The following APCDD1L variants were observed in gnomAD, a reference collection of about 807,000 sequenced individuals.
APCDD1L encodes protein APCDD1-like.
In APCDD1L, 21 loss-of-function variants were observed where a neutral mutation model predicts 24.2. The observed-to-expected ratio is 0.87, with a 90% confidence interval of 0.61 to 1.25. The LOEUF (loss-of-function observed/expected upper bound fraction) is 1.25. APCDD1L is among the 50% of genes most tolerant of loss of function. The pLI is 0.00. For missense variants in APCDD1L, 704 were observed against 711.7 expected, an observed-to-expected ratio of 0.99 and a Z score of 0.12; for synonymous variants, 321 against 323.6, an observed-to-expected ratio of 0.99 and a Z score of 0.09.
intron 1 of APCDD1L, among the ~76,000 whole-genome samples, chr20:58,492,920 A>T (rs1051470137): frequency 3.9e-5 from 6 of 152,050 alleles, no homozygotes; most frequent in African/African-American, 1.4e-4. Flanking sequence ...GCATGCACAC[A>T]TGCATACACA....
Position 58,514,830 on chromosome 20 carries a change from G to T in APCDD1L, c.-123C>A. 1.4e-6 allele frequency: 1 copy of T among 718,854 alleles called. No homozygotes were observed. Among genetic ancestry groups the T allele is most frequent in the Non-Finnish European group, 2.0e-6 (1 of 511,602 alleles). The allele number at this position is 718,854 out of a possible 1,614,324, so 44.5% of individuals were successfully genotyped here. A position where few individuals can be genotyped will look rare whatever the true frequency, so the allele number is the denominator to read the frequency against. On this transcript the variant is annotated 5_prime_UTR_variant, in exon 1 of 4. Transcript: ENST00000371149. ...CAGGCTGGAGTCCTGCGAAGAAGTT[G>T]CGAGGGTCCTGCGCCCCCCTCGGCG...
At chr20:58,482,233 T>C (rs1001778647) in intron 1 of APCDD1L, among the ~76,000 whole-genome samples, 3 of 152,244 alleles carry the variant, frequency 2.0e-5, no homozygotes, top group Admixed American at 1.3e-4. Flanking sequence ...ACCTACATCA[T>C]GTTTCGGAAA....
chr20:58,512,956 T>C (rs958674413), intron 1 of APCDD1L, among the ~76,000 whole-genome samples: 2 of 152,132 alleles, frequency 1.3e-5, no homozygotes, highest in African/African-American at 4.8e-5. Context: ...TCTGATTTGC[T>C]GTGGTGAAAG....
At chr20:58,499,288 C>T (rs570470038) in intron 1 of APCDD1L, among the ~76,000 whole-genome samples, 2 of 152,280 alleles carry the variant, frequency 1.3e-5, no homozygotes, top group Non-Finnish European at 2.9e-5. Context: ...GTGGGGAAAC[C>T]TTCTACCACC....
At chr20:58,479,942 C>G (rs964662603) in intron 1 of APCDD1L, among the ~76,000 whole-genome samples, 1 of 152,198 alleles carries the variant, frequency 6.6e-6, no homozygotes, top group Admixed American at 6.5e-5. Context: ...TGCACCAGAA[C>G]ACCCCCAGAA....
intron 2 of APCDD1L, 41 bp downstream of exon 2, chr20:58,470,568 C>T: frequency 6.5e-7 from 1 of 1,539,246 alleles, no homozygotes. Flanking sequence ...CAGAAGTCTC[C>T]CAGTCCAGGG....
chr20:58,495,892 C>T (rs1990312466), intron 1 of APCDD1L, among the ~76,000 whole-genome samples: 1 of 152,100 alleles, frequency 6.6e-6, no homozygotes, highest in African/African-American at 2.4e-5. Context: ...CCAGCCTCCC[C>T]ACCCTCCAGC....
chr20:58,487,504 A>G (rs920562151), intron 1 of APCDD1L, among the ~76,000 whole-genome samples: 4 of 152,172 alleles, frequency 2.6e-5, no homozygotes, highest in Non-Finnish European at 5.9e-5. Context: ...AAAAATGTAA[A>G]TGGATTTAAT....
Position 58,494,784 on chromosome 20 carries a change from C to T in APCDD1L, c.49+19875G>A, listed in dbSNP as rs966449315. Among the ~76,000 whole-genome samples, 21 of 152,206 alleles carry T rather than the reference C, an allele frequency of 1.4e-4. 1 individual carries two copies. The highest frequency in any genetic ancestry group is 1.2e-3 in the South Asian group (6 of 4,822). On this transcript the variant is annotated intron_variant, in intron 1 of 3. Coordinates refer to ENST00000371149, the MANE Select transcript of APCDD1L (RefSeq NM_153360.3). This position sits in a 1 kb window ranked among gnomAD's most constrained non-coding sequence, Gnocchi z 4.8. ...TACTTTGCCTGTGATTCCTGTCTCA[C>T]GATCATCTCCTGGCATTCTGCACCC...
intron 1 of APCDD1L, among the ~76,000 whole-genome samples, chr20:58,491,761 G>T (rs934365977): frequency 1.3e-5 from 2 of 152,198 alleles, no homozygotes; most frequent in African/African-American, 2.4e-5. Context: ...AAGAGCAAAG[G>T]TGTCAGGAAT....
chr20:58,470,401 G>T (rs1989787469), intron 2 of APCDD1L, among the ~76,000 whole-genome samples: 1 of 152,218 alleles, frequency 6.6e-6, no homozygotes, highest in South Asian at 2.1e-4. Flanking sequence ...GTGTTGAATG[G>T]ATTTTGACCA....
chr20:58,497,525 C>A lies in APCDD1L; in HGVS notation c.49+17134G>T, dbSNP rs1009962061. Among the ~76,000 whole-genome samples the A allele has an allele frequency of 3.3e-5, 5 of 152,122 alleles. No homozygotes were observed. Among genetic ancestry groups the A allele is most frequent in the African/African-American group, 9.7e-5 (4 of 41,420 alleles). On this transcript the variant is annotated intron_variant, in intron 1 of 3. Coordinates refer to ENST00000371149, the MANE Select transcript of APCDD1L (RefSeq NM_153360.3). This position sits in a 1 kb window ranked among gnomAD's most constrained non-coding sequence, Gnocchi z 4.3. ...GAGGCTGGGCCGGGATTGTTCCAGG[C>A]CTTTCTTGTGGCTTGTAGATGGCCA...
intron 1 of APCDD1L, among the ~76,000 whole-genome samples, chr20:58,491,581 G>T (rs1379885947): frequency 6.6e-6 from 1 of 152,096 alleles, no homozygotes; most frequent in Non-Finnish European, 1.5e-5. Flanking sequence ...TTTCTTGAAA[G>T]ACATTAAAGA....
In APCDD1L at chr20:58,494,639, G is replaced by C. The variant is rs908024159; in HGVS notation, c.49+20020C>G. Among the ~76,000 whole-genome samples, 1 of 152,124 alleles carries C rather than the reference G, an allele frequency of 6.6e-6. No homozygotes were observed. Among genetic ancestry groups the C allele is most frequent in the Non-Finnish European group, 1.5e-5 (1 of 68,028 alleles). On this transcript the variant is annotated intron_variant, in intron 1 of 3. Transcript: ENST00000371149. The surrounding 1 kb of genome is among the most constrained non-coding windows in gnomAD (Gnocchi z 4.8). ...TAGGTGTGAGCCACTGTGCCTGGCT[G>C]TCAACTGTGTTTCAAAGTATACATA...
At chr20:58,501,607 T>C (rs1600875897) in intron 1 of APCDD1L, among the ~76,000 whole-genome samples, 1 of 152,310 alleles carries the variant, frequency 6.6e-6, no homozygotes, top group South Asian at 2.1e-4. Context: ...TGTTCTTTGT[T>C]ATGGCAGCCA....
intron 1 of APCDD1L, among the ~76,000 whole-genome samples, chr20:58,490,148 A>C (rs1399458342): frequency 6.6e-6 from 1 of 152,208 alleles, no homozygotes; most frequent in Non-Finnish European, 1.5e-5. Flanking sequence ...GTTGATTAAA[A>C]ATATTTTTTG....
chr20:58,493,664 T>A (rs1391455730), intron 1 of APCDD1L, among the ~76,000 whole-genome samples: 2 of 151,660 alleles, frequency 1.3e-5, no homozygotes, highest in Non-Finnish European at 2.9e-5. Context: ...CTAAAAAAAA[T>A]ACCCCGTTTA....
chr20:58,460,628 G>T lies in APCDD1L; in HGVS notation c.*162C>A. ...TAGGCTTTGCAGGGGTTAAGCTCAT[G>T]TCCTGAGCCACATGGGACACAGGCA... On this transcript the variant is annotated 3_prime_UTR_variant, in exon 4 of 4. Transcript: ENST00000371149. The surrounding 1 kb of genome is among the most constrained non-coding windows in gnomAD (Gnocchi z 4.2). The T allele has an allele frequency of 1.1e-6, 1 of 949,390 alleles. No homozygotes were observed. Among genetic ancestry groups the T allele is most frequent in the Non-Finnish European group, 1.5e-6 (1 of 681,920 alleles). The allele number at this position is 949,390 out of a possible 1,614,324, so 58.8% of individuals were successfully genotyped here.
chr20:58,466,087 G>T (rs1359600869), intron 3 of APCDD1L, among the ~76,000 whole-genome samples: 1 of 132,760 alleles, frequency 7.5e-6, no homozygotes, highest in Non-Finnish European at 1.5e-5. Flanking sequence ...CCATTATACA[G>T]TAAAGTTACG....
Sources: gnomAD v4.1 joint callset for allele counts (sites outside exome capture counted in the v4.1 genomes callset) on GRCh38, gnomAD v4.1.1 for gene constraint, Gnocchi (gnomAD v3.1) non-coding constraint, MANE v1.5 for transcripts, NCBI Gene and HGNC (gene_info 2026-07-23, HGNC 2026-07-21) for gene names.